Variants in CCDC150 observed in about 807,000 individuals in gnomAD.
CCDC150 encodes the protein coiled-coil domain containing 150.
A neutral mutation model predicts 156.5 loss-of-function variants in CCDC150; 151 were observed. The ratio of observed to expected loss-of-function variants is 0.97; its 90% CI spans 0.85 to 1.10. CCDC150 has a LOEUF of 1.10. CCDC150 is among the 50% of genes least tolerant of loss of function. CCDC150 has a pLI of 0.00. For synonymous variants in CCDC150, 452 were observed against 429.4 expected, an observed-to-expected ratio of 1.05 and a Z score of -0.65; for missense variants, 1,312 against 1,268.1, an observed-to-expected ratio of 1.03 and a Z score of -0.53.
At chr2:196,662,799 A>G (rs1484976111) in intron 5 of CCDC150, among the ~76,000 whole-genome samples, 2 of 152,154 alleles carry the variant, frequency 1.3e-5, no homozygotes, top group African/African-American at 2.4e-5. Context: ...AGCCAGGCAC[A>G]GTGGTGTACA....
intron 1 of CCDC150, among the ~76,000 whole-genome samples, chr2:196,641,014 C>A (rs901155994): frequency 6.6e-6 from 1 of 152,166 alleles, no homozygotes; most frequent in Non-Finnish European, 1.5e-5. Flanking sequence ...GTCGCCCAGG[C>A]TGGAGTGCAG....
intron 2 of CCDC150, among the ~76,000 whole-genome samples, chr2:196,646,742 T>G (rs1227560877): frequency 6.6e-6 from 1 of 152,148 alleles, no homozygotes; most frequent in Non-Finnish European, 1.5e-5. Flanking sequence ...GTATACAAAC[T>G]TTGGTATTCT....
chr2:196,663,991 A>G (rs1422109978), intron 5 of CCDC150, among the ~76,000 whole-genome samples: 1 of 152,198 alleles, frequency 6.6e-6, no homozygotes, highest in East Asian at 1.9e-4. Context: ...TTTACCTAAT[A>G]ATAAAAGAGA....
intron 4 of CCDC150, among the ~76,000 whole-genome samples, chr2:196,657,791 G>A (rs1416299757): frequency 6.6e-6 from 1 of 152,128 alleles, no homozygotes; most frequent in East Asian, 1.9e-4. Flanking sequence ...TGTGAAGTAG[G>A]ATATTATTAT....
intron 26 of CCDC150, among the ~76,000 whole-genome samples, chr2:196,731,439 T>A (rs1698517758): frequency 6.7e-6 from 1 of 149,698 alleles, no homozygotes; most frequent in Non-Finnish European, 1.5e-5. Flanking sequence ...GTCACCAGGC[T>A]GGAGTGCATG....
At chr2:196,699,524 C>T (rs1291324923) in intron 14 of CCDC150, among the ~76,000 whole-genome samples, 1 of 145,962 alleles carries the variant, frequency 6.9e-6, no homozygotes, top group Non-Finnish European at 1.5e-5. Context: ...ACTACTGTGC[C>T]TTTTTTTTTT....
chr2:196,683,520 T>C (rs1231036383), intron 13 of CCDC150, among the ~76,000 whole-genome samples: 1 of 152,114 alleles, frequency 6.6e-6, no homozygotes, highest in Non-Finnish European at 1.5e-5. Flanking sequence ...TATTGGTCTC[T>C]TAAAACCATT....
Position 196,684,149 on chromosome 2 carries a change from AG to A in CCDC150, c.1509+6792del, listed in dbSNP as rs1476281417. ...AGTCACTCTGAACCTATTCTGGTTC[AG>A]GGGAGTGCCCATAAAAAAATAAAAA... On this transcript the variant is annotated intron_variant, in intron 13 of 27. Transcript: ENST00000389175. 9.9e-5 allele frequency among the ~76,000 whole-genome samples: 15 copies of A among 152,228 alleles called. No homozygotes were observed. The East Asian group carries it at 2.5e-3, about 25-fold the overall frequency.
At chr2:196,713,062 C>T (rs1035996326) in intron 17 of CCDC150, 7 of 479,786 alleles carry the variant, frequency 1.5e-5, no homozygotes, top group Non-Finnish European at 2.5e-5. Flanking sequence ...AAATGGAATA[C>T]TCATAGAGTT....
intron 5 of CCDC150, among the ~76,000 whole-genome samples, chr2:196,663,166 G>T (rs981449731): frequency 1.3e-5 from 2 of 152,132 alleles, no homozygotes; most frequent in African/African-American, 4.8e-5. Flanking sequence ...TTGAGTTGGG[G>T]GAGGTCAAGA....
intron 15 of CCDC150, among the ~76,000 whole-genome samples, chr2:196,710,137 G>T (rs553442825): frequency 1.6e-4 from 24 of 152,368 alleles, no homozygotes; most frequent in Admixed American, 5.9e-4. Context: ...ACAGAAGCAG[G>T]AGGTCTTGCT....
chr2:196,686,121 C>T (rs1695113309), intron 13 of CCDC150: 1 of 209,422 alleles, frequency 4.8e-6, no homozygotes, highest in Admixed American at 4.5e-5. Flanking sequence ...ACACTCATTC[C>T]CACAGTTGGC....
chr2:196,680,309 A>AT (rs990750707), intron 13 of CCDC150, among the ~76,000 whole-genome samples: 65 of 149,640 alleles, frequency 4.3e-4, no homozygotes, highest in Admixed American at 8.0e-4. Context: ...GGTTCATTTC[A>AT]TTTTTTTTTC....
At chr2:196,721,490 A>C in intron 20 of CCDC150, 32 bp from the exon 21 acceptor site, 3 of 1,558,994 alleles carry the variant, frequency 1.9e-6, no homozygotes, top group Non-Finnish European at 1.7e-6. Flanking sequence ...TGTCCATTAC[A>C]GTGGAATTGA....
intron 1 of CCDC150, among the ~76,000 whole-genome samples, chr2:196,642,430 C>G (rs967724450): frequency 3.3e-5 from 5 of 152,168 alleles, no homozygotes; most frequent in African/African-American, 1.2e-4. Flanking sequence ...ATGGGGAGGA[C>G]AGGCAAGGGT....
rs1373248147 is a variant in CCDC150, at chr2:196,719,804, CTAAG to C, written c.2165+140_2165+143del. On this transcript the variant is annotated intron_variant, in intron 19 of 27. Transcript: ENST00000389175. Reference sequence around the variant, plus strand: ...GCAAAATGATATGTTGAAAGAATTCCTAAGTTAGAGAAAATTTAGAATTAGAAAT... The same window carrying C: ...GCAAAATGATATGTTGAAAGAATTCCTTAGAGAAAATTTAGAATTAGAAAT... 49 of 539,032 alleles carry C rather than the reference CTAAG, an allele frequency of 9.1e-5. No individual in the cohort carries two copies. In the East Asian group the frequency reaches 1.4e-3, roughly 16 times the overall value. 33.4% of individuals were successfully genotyped at this position (539,032 alleles called of 1,614,324 possible). A position where few individuals can be genotyped will look rare whatever the true frequency, so the allele number is the denominator to read the frequency against.
At chr2:196,691,005 AT>A (rs1361840563) in intron 13 of CCDC150, among the ~76,000 whole-genome samples, 4 of 152,220 alleles carry the variant, frequency 2.6e-5, no homozygotes, top group Non-Finnish European at 5.9e-5. Flanking sequence ...GATGAATCAC[AT>A]TTATTGATTT....
intron 7 of CCDC150, among the ~76,000 whole-genome samples, chr2:196,668,295 T>A (rs1575792048): frequency 1.1e-5 from 1 of 92,252 alleles, no homozygotes; most frequent in Non-Finnish European, 2.2e-5. Flanking sequence ...AAACTCCATC[T>A]AAAAAAAAAA....
At chr2:196,667,376 A>C (rs1693911101) in intron 7 of CCDC150, 1 of 160,238 alleles carries the variant, frequency 6.2e-6, no homozygotes, top group African/African-American at 2.4e-5. Context: ...AAGATGACAG[A>C]GCTAGGAAAG....
Sources: allele counts gnomAD v4.1 joint callset (sites outside exome capture counted in the v4.1 genomes callset), GRCh38; gene constraint gnomAD v4.1.1; transcripts MANE v1.5; gene names NCBI Gene and HGNC (gene_info 2026-07-23, HGNC 2026-07-21).